The following GPR61 variants were observed in gnomAD, a reference collection of about 807,000 sequenced individuals.
GPR61 encodes G protein-coupled receptor 61, also known as G-protein coupled receptor 61.
GPR61 carries 15 observed loss-of-function variants against 29.2 expected under a neutral mutation model. That is an observed-to-expected ratio of 0.51 (90% CI 0.34 to 0.79). The LOEUF (loss-of-function observed/expected upper bound fraction) is 0.79. Among genes scored for constraint, GPR61 ranks in the 30% least tolerant of loss-of-function variants. The pLI, the probability that GPR61 is intolerant of heterozygous loss-of-function variation, is 0.01. For synonymous variants in GPR61, 238 were observed against 242.3 expected (o/e 0.98, Z 0.17); for missense variants, 399 against 582.5 (o/e 0.69, Z 3.24).
chr1:109,544,332 C>T lies in GPR61; in HGVS notation c.1310C>T (p.Ser437Leu), dbSNP rs1341762388. 2.0e-5 allele frequency: 32 copies of T among 1,613,634 alleles called. No homozygotes were observed. The highest frequency in any genetic ancestry group is 3.3e-5 in the Admixed American group (2 of 60,020). Reference sequence around the variant, plus strand: ...CAACTCACCAGCGACATCATCATGTCAGACAGCTACCTCCGTCCTGCCGCC... The same window carrying T: ...CAACTCACCAGCGACATCATCATGTTAGACAGCTACCTCCGTCCTGCCGCC... ...EQQLTSDIIM[S>L]DSYLRPAASP... is the part of the protein sequence containing the mutation. Residue 437 changes from serine (S) to leucine (L), a missense_variant, in exon 2 of 2, where the codon TCA becomes TTA. Around this residue, in one of 3 missense-constraint regions of GPR61, gnomAD observed 320 missense variants for 459.8 expected, o/e 0.70. Transcript: ENST00000527748. This position sits in a 1 kb window ranked among gnomAD's most constrained non-coding sequence, Gnocchi z 4.6.
At position 109,543,553 on chromosome 1, in the gene GPR61, A is replaced by G. The variant is rs753512520; in HGVS notation, c.531A>G (p.Pro177=). Residue 177 remains proline, a synonymous_variant, in exon 2 of 2, where the codon CCA becomes CCG. Coordinates refer to ENST00000527748, the MANE Select transcript of GPR61 (RefSeq NM_001393907.1). The surrounding 1 kb of genome is among the most constrained non-coding windows in gnomAD (Gnocchi z 6.8). Reference sequence around the variant, plus strand: ...AGGCCTTGGCCATGGCTTCTGTGCCAGTGTTGGGAAGGGTCTCCTGGGAGG... The same window carrying G: ...AGGCCTTGGCCATGGCTTCTGTGCCGGTGTTGGGAAGGGTCTCCTGGGAGG... ...WVKALAMASV[P]VLGRVSWEEG... 1.9e-6 allele frequency: 3 copies of G among 1,613,858 alleles called. No homozygotes were observed. Among genetic ancestry groups the G allele is most frequent in the Non-Finnish European group, 2.5e-6 (3 of 1,179,974 alleles).
At position 109,544,073 on chromosome 1, in the gene GPR61, G is replaced by A. The variant is rs1647725342; in HGVS notation, c.1051G>A (p.Glu351Lys). The A allele has an allele frequency of 6.2e-7, 1 of 1,614,042 alleles. No homozygotes were observed. The highest frequency in any genetic ancestry group is 1.3e-5 in the African/African-American group (1 of 74,926). The change falls in exon 2 of 2, where the codon GAG becomes AAG. Residue 351 changes from glutamate (E) to lysine (K), a missense_variant. By Grantham distance (56) the Glu-to-Lys change is moderately conservative. Coordinates refer to ENST00000527748, the MANE Select transcript of GPR61 (RefSeq NM_001393907.1). This position sits in a 1 kb window ranked among gnomAD's most constrained non-coding sequence, Gnocchi z 4.6. Reference sequence around the variant, plus strand: ...ATGTCTCAACCGGCAGATCCGGGGGGAGCTCAGCAAGCAGTTTGTCTGCTT... The same window carrying A: ...ATGTCTCAACCGGCAGATCCGGGGGAAGCTCAGCAAGCAGTTTGTCTGCTT... ...YGCLNRQIRG[E>K]LSKQFVCFFK...
chr1:109,543,805 C>T lies in GPR61; in HGVS notation c.783C>T (p.Ser261=), dbSNP rs1228114578. 6.2e-7 allele frequency: 1 copy of T among 1,613,530 alleles called. No individual in the cohort carries two copies. The highest frequency in any genetic ancestry group is 1.1e-5 in the South Asian group (1 of 91,088). ...GGCAACGCTCCGAATCTCTCAGCAG[C>T]CGCTCCACGATGGTCACCAGCTCGG... The part of the protein sequence containing the change: ...TPRQRSESLS[S]RSTMVTSSGA... The change falls in exon 2 of 2, where the codon AGC becomes AGT. Residue 261 remains serine (S), a synonymous_variant. Transcript: ENST00000527748. This position sits in a 1 kb window ranked among gnomAD's most constrained non-coding sequence, Gnocchi z 6.8.
At position 109,543,359 on chromosome 1, in the gene GPR61, G is replaced by T; in HGVS notation, c.337G>T (p.Val113Leu). Residue 113 changes from valine to leucine, a missense_variant, in exon 2 of 2, where the codon GTG (valine) becomes TTG (leucine). By Grantham distance (32) the Val-to-Leu change is conservative. This residue lies in a region of GPR61 where 320 missense variants were observed against 459.8 expected (regional missense o/e 0.70). Coordinates refer to ENST00000527748, the MANE Select transcript of GPR61 (RefSeq NM_001393907.1). The surrounding 1 kb of genome is among the most constrained non-coding windows in gnomAD (Gnocchi z 6.8). ...CTTTGACCACGCCCTCTTTGGGGAG[G>T]TGGCCTGCCGCCTCTACTTGTTTCT... ...ALFDHALFGE[V>L]ACRLYLFLSV... The T allele has an allele frequency of 6.2e-7, 1 of 1,611,628 alleles. No homozygotes were observed.
intron 1 of GPR61, among the ~76,000 whole-genome samples, chr1:109,541,071 A>G (rs932546134): frequency 1.3e-5 from 2 of 152,146 alleles, no homozygotes; most frequent in African/African-American, 4.8e-5. Context: ...GAGCATGGAG[A>G]GTAAGAAGGA....
intron 1 of GPR61, among the ~76,000 whole-genome samples, chr1:109,540,856 A>C (rs1217065224): frequency 1.3e-5 from 2 of 152,164 alleles, no homozygotes; most frequent in Non-Finnish European, 2.9e-5. Context: ...AAAAAGAGCA[A>C]TGTCCAATGC....
At position 109,544,427 on chromosome 1, in the gene GPR61, T is replaced by G; in HGVS notation, c.*49T>G. ...ATATGGGGCTGGGGCCAGTTATGATTGCAAGGACCACCTTGTGGGATCACC... is the reference window on the plus strand; with the variant it reads ...ATATGGGGCTGGGGCCAGTTATGATGGCAAGGACCACCTTGTGGGATCACC... On this transcript the variant is annotated 3_prime_UTR_variant, in exon 2 of 2. Transcript: ENST00000527748. The surrounding 1 kb of genome is among the most constrained non-coding windows in gnomAD (Gnocchi z 4.6). 1 of 1,376,582 alleles carries G rather than the reference T, an allele frequency of 7.3e-7. No homozygotes were observed. The highest frequency in any genetic ancestry group is 1.0e-6 in the Non-Finnish European group (1 of 982,906). The allele number at this position is 1,376,582 out of a possible 1,614,324, so 85.3% of individuals were successfully genotyped here. A position where few individuals can be genotyped will look rare whatever the true frequency, so the allele number is the denominator to read the frequency against.
At chr1:109,540,497 G>A (rs1647599325) in intron 1 of GPR61, among the ~76,000 whole-genome samples, 1 of 152,244 alleles carries the variant, frequency 6.6e-6, no homozygotes, top group South Asian at 2.1e-4. Flanking sequence ...CTTGCATCCT[G>A]TAACTTGACC....
intron 1 of GPR61, among the ~76,000 whole-genome samples, chr1:109,541,517 T>A (rs954003196): frequency 6.6e-6 from 1 of 152,268 alleles, no homozygotes; most frequent in Non-Finnish European, 1.5e-5. Context: ...AGGCTATAAC[T>A]GTGGAGGAGA....
In GPR61 at chr1:109,544,362, C is replaced by T. The variant is rs1647734932; in HGVS notation, c.1340C>T (p.Pro447Leu). ...SDSYLRPAAS[P>L]RLES Reference sequence around the variant, plus strand: ...AGCTACCTCCGTCCTGCCGCCTCACCCCGGCTGGAGTCATGATGGGCCGCT... The same window carrying T: ...AGCTACCTCCGTCCTGCCGCCTCACTCCGGCTGGAGTCATGATGGGCCGCT... The change falls in exon 2 of 2, where the codon CCC (proline) becomes CTC (leucine). Residue 447 changes from proline to leucine, a missense_variant. Around this residue, in one of 3 missense-constraint regions of GPR61, gnomAD observed 320 missense variants for 459.8 expected, o/e 0.70. Coordinates refer to ENST00000527748, the MANE Select transcript of GPR61 (RefSeq NM_001393907.1). This position sits in a 1 kb window ranked among gnomAD's most constrained non-coding sequence, Gnocchi z 4.6. The T allele has an allele frequency of 6.2e-7, 1 of 1,611,958 alleles. No individual in the cohort carries two copies. Among genetic ancestry groups the T allele is most frequent in the East Asian group, 2.2e-5 (1 of 44,878 alleles).
At chr1:109,541,829 T>C (rs556055549) in intron 1 of GPR61, among the ~76,000 whole-genome samples, 2 of 152,342 alleles carry the variant, frequency 1.3e-5, no homozygotes, top group East Asian at 1.9e-4. Flanking sequence ...TTGGGAGCAG[T>C]GGAGGCTGGA....
chr1:109,544,306 G>A lies in GPR61; in HGVS notation c.1284G>A (p.Gln428=), dbSNP rs745460766. 18 of 1,613,666 alleles carry A rather than the reference G, an allele frequency of 1.1e-5. No homozygotes were observed. The highest frequency in any genetic ancestry group is 1.7e-5 in the Admixed American group (1 of 60,006). ...IAEETSEFLE[Q]QLTSDIIMSD... ...AGGAGACCTCTGAGTTCCTGGAGCA[G>A]CAACTCACCAGCGACATCATCATGT... is the stretch of plus-strand genomic sequence containing the variant. The change falls in exon 2 of 2, where the codon CAG becomes CAA. Residue 428 remains glutamine (Q), a synonymous_variant. Coordinates refer to ENST00000527748, the MANE Select transcript of GPR61 (RefSeq NM_001393907.1). The surrounding 1 kb of genome is among the most constrained non-coding windows in gnomAD (Gnocchi z 4.6).
At position 109,544,318 on chromosome 1, in the gene GPR61, C is replaced by T. The variant is rs188111054; in HGVS notation, c.1296C>T (p.Ser432=). ...TSEFLEQQLT[S]DIIMSDSYLR... ...AGTTCCTGGAGCAGCAACTCACCAG[C>T]GACATCATCATGTCAGACAGCTACC... The change falls in exon 2 of 2, where the codon AGC becomes AGT. Residue 432 remains serine, a synonymous_variant. Transcript: ENST00000527748. The surrounding 1 kb of genome is among the most constrained non-coding windows in gnomAD (Gnocchi z 4.6). 2.6e-5 allele frequency: 42 copies of T among 1,613,714 alleles called. No homozygotes were observed. Among genetic ancestry groups the T allele is most frequent in the Admixed American group, 2.3e-4 (14 of 60,020 alleles).
rs1647770000 is a variant in GPR61, at chr1:109,545,433, C to T, written c.*1055C>T. On this transcript the variant is annotated 3_prime_UTR_variant, in exon 2 of 2. Transcript: ENST00000527748. Reference sequence around the variant, plus strand: ...GGGGTTTCCATGATCCATTAAATGCCTTCCTACTCCCATTCATCGCTCTCA... The same window carrying T: ...GGGGTTTCCATGATCCATTAAATGCTTTCCTACTCCCATTCATCGCTCTCA... 1 of 152,200 alleles carries T rather than the reference C, an allele frequency of 6.6e-6. No homozygotes were observed. The highest frequency in any genetic ancestry group is 1.5e-5 in the Non-Finnish European group (1 of 68,032). The allele number at this position is 152,200 out of a possible 1,614,324, so 9.4% of individuals were successfully genotyped here.
chr1:109,541,383 C>T (rs1647637264), intron 1 of GPR61, among the ~76,000 whole-genome samples: 1 of 152,158 alleles, frequency 6.6e-6, no homozygotes, highest in African/African-American at 2.4e-5. Context: ...GGCAGGGATT[C>T]AACTACCAAT....
chr1:109,541,507 A>C (rs1187883769), intron 1 of GPR61, among the ~76,000 whole-genome samples: 1 of 152,256 alleles, frequency 6.6e-6, no homozygotes, highest in Non-Finnish European at 1.5e-5. Flanking sequence ...GGTGACTGTA[A>C]GGCTATAACT....
Position 109,543,596 on chromosome 1 carries a change from C to A in GPR61, c.574C>A (p.Pro192Thr). Residue 192 changes from proline (P) to threonine (T), a missense_variant, in exon 2 of 2, where the codon CCC (proline) becomes ACC (threonine). Transcript: ENST00000527748. The surrounding 1 kb of genome is among the most constrained non-coding windows in gnomAD (Gnocchi z 6.8). The part of the protein sequence containing the change: ...VSWEEGAPSV[P>T]PGCSLQWSHS... ...CTGGGAGGAAGGAGCTCCCAGTGTC[C>A]CCCCAGGCTGTTCACTCCAGTGGAG... 1 of 1,614,098 alleles carries A rather than the reference C, an allele frequency of 6.2e-7. No individual in the cohort carries two copies. Among genetic ancestry groups the A allele is most frequent in the South Asian group, 1.1e-5 (1 of 91,080 alleles).
At position 109,543,814 on chromosome 1, in the gene GPR61, G is replaced by A. The variant is rs148279758; in HGVS notation, c.792G>A (p.Thr264=). 5.5e-5 allele frequency: 88 copies of A among 1,613,532 alleles called. No homozygotes were observed. The East Asian group carries it at 1.8e-3, about 34-fold the overall frequency. Residue 264 remains threonine (T), a synonymous_variant, in exon 2 of 2, where the codon ACG becomes ACA. Coordinates refer to ENST00000527748, the MANE Select transcript of GPR61 (RefSeq NM_001393907.1). This position sits in a 1 kb window ranked among gnomAD's most constrained non-coding sequence, Gnocchi z 6.8. The stretch of plus-strand genomic sequence containing the variant: ...CCGAATCTCTCAGCAGCCGCTCCAC[G>A]ATGGTCACCAGCTCGGGGGCCCCCC... ...QRSESLSSRS[T]MVTSSGAPQT...
At chr1:109,540,539 C>T (rs1270302199) in intron 1 of GPR61, among the ~76,000 whole-genome samples, 1 of 152,192 alleles carries the variant, frequency 6.6e-6, no homozygotes, top group Non-Finnish European at 1.5e-5. Context: ...ACCTCAGGCC[C>T]TAGTGGCAAA....
Sources: gnomAD v4.1 joint callset for allele counts (sites outside exome capture counted in the v4.1 genomes callset) on GRCh38, gnomAD v4.1.1 for gene constraint, gnomAD v4.1.1 regional missense constraint, Gnocchi (gnomAD v3.1) non-coding constraint, MANE v1.5 for transcripts, NCBI Gene and HGNC (gene_info 2026-07-23, HGNC 2026-07-21) for gene names.